GREB1L: variants seen among roughly 807,000 people sequenced by gnomAD.
The protein encoded by GREB1L is GREB1 like retinoic acid receptor coactivator.
Under a neutral mutation model 200.8 loss-of-function variants are expected in GREB1L, and 17 were observed. The observed-to-expected ratio is 0.08, with a 90% confidence interval of 0.06 to 0.13. The LOEUF (loss-of-function observed/expected upper bound fraction) is 0.13. Ranked by LOEUF, GREB1L falls within the 10% of genes least tolerant of loss-of-function variation. The pLI is 1.00. For synonymous variants in GREB1L, 789 were observed against 893.0 expected, an observed-to-expected ratio of 0.88 and a Z score of 2.08; for missense variants, 1,657 against 2,367.7, an observed-to-expected ratio of 0.70 and a Z score of 6.23.
intron 2 of GREB1L, among the ~76,000 whole-genome samples, chr18:21,379,870 G>A (rs1465807418): frequency 6.6e-6 from 1 of 152,130 alleles, no homozygotes; most frequent in African/African-American, 2.4e-5. Context: ...GGGAGTCTTA[G>A]GAGCCTGGCC....
At chr18:21,314,794 C>G (rs1268734634) in intron 1 of GREB1L, among the ~76,000 whole-genome samples, 2 of 152,162 alleles carry the variant, frequency 1.3e-5, no homozygotes, top group African/African-American at 4.8e-5. Context: ...CATGGCTGTG[C>G]TCCAAAAATA....
At chr18:21,438,047 G>A (rs1182676801) in intron 7 of GREB1L, among the ~76,000 whole-genome samples, 2 of 152,132 alleles carry the variant, frequency 1.3e-5, no homozygotes, top group Admixed American at 6.5e-5. Flanking sequence ...TTGGGAGGCT[G>A]AGGAGGGTAG....
At chr18:21,462,338 C>G (rs1355288823) in intron 15 of GREB1L, among the ~76,000 whole-genome samples, 1 of 152,222 alleles carries the variant, frequency 6.6e-6, no homozygotes, top group African/African-American at 2.4e-5. Context: ...CATTGCTCAT[C>G]ACTTCTGACA....
At chr18:21,328,727 C>G (rs1488586921) in intron 1 of GREB1L, among the ~76,000 whole-genome samples, 1 of 151,880 alleles carries the variant, frequency 6.6e-6, no homozygotes, top group Non-Finnish European at 1.5e-5. Context: ...AAGATGAACT[C>G]CCAGACATAG....
At chr18:21,315,234 C>G (rs1184477552) in intron 1 of GREB1L, among the ~76,000 whole-genome samples, 1 of 152,112 alleles carries the variant, frequency 6.6e-6, no homozygotes, top group East Asian at 1.9e-4. Context: ...GGACTACAGG[C>G]ACGCACCACC....
intron 1 of GREB1L, among the ~76,000 whole-genome samples, chr18:21,304,175 G>A (rs2038662994): frequency 6.6e-6 from 1 of 152,028 alleles, no homozygotes; most frequent in Non-Finnish European, 1.5e-5. Flanking sequence ...TTGTGAATCA[G>A]TAGAGTACTG....
rs575128231 is a variant in GREB1L, at chr18:21,283,058, T to C, written c.-120+40665T>C. Among the ~76,000 whole-genome samples the C allele has an allele frequency of 1.9e-3, 291 of 152,348 alleles. 1 individual carries two copies. Among genetic ancestry groups the C allele is most frequent in the Admixed American group, 2.1e-3 (32 of 15,304 alleles). On this transcript the variant is annotated intron_variant, in intron 1 of 32. Coordinates refer to ENST00000424526, the MANE Select transcript of GREB1L (RefSeq NM_001142966.3). ...TTTTATGCATTTAGCTTTTTCATCC[T>C]TTTTTGATTTTTTACTTAGAATAAA... is the stretch of plus-strand genomic sequence containing the variant.
chr18:21,321,757 G>A (rs1404086190), intron 1 of GREB1L, among the ~76,000 whole-genome samples: 2 of 152,122 alleles, frequency 1.3e-5, no homozygotes, highest in Admixed American at 1.3e-4. Flanking sequence ...TTCTAGAATT[G>A]TTCAAATAAT....
chr18:21,522,016 A>AAAAAAAAAAAAAAAC (rs2037610490), intron 32 of GREB1L, among the ~76,000 whole-genome samples: 1 of 148,248 alleles, frequency 6.7e-6, no homozygotes, highest in Admixed American at 6.7e-5. Flanking sequence ...AAAAAAAAAA[A>AAAAAAAAAAAAAAAC]GGTAAGACAC....
rs2037654912 is a variant in GREB1L at position 21,524,661 on chromosome 18, G to C, written c.*1840G>C. On this transcript the variant is annotated 3_prime_UTR_variant, in exon 33 of 33. Transcript: ENST00000424526. Reference sequence around the variant, plus strand: ...ATTCTGAAACAATTGTACCTGGGGTGGATGGCCTCTCAGGGTTTCTTCTGG... The same window carrying C: ...ATTCTGAAACAATTGTACCTGGGGTCGATGGCCTCTCAGGGTTTCTTCTGG... 6.6e-6 allele frequency: 1 copy of C among 152,082 alleles called. No individual in the cohort carries two copies. The highest frequency in any genetic ancestry group is 2.1e-4 in the South Asian group (1 of 4,824). The allele number at this position is 152,082 out of a possible 1,614,324, so 9.4% of individuals were successfully genotyped here.
intron 1 of GREB1L, among the ~76,000 whole-genome samples, chr18:21,338,411 T>G (rs1445408326): frequency 6.6e-6 from 1 of 152,264 alleles, no homozygotes; most frequent in African/African-American, 2.4e-5. Flanking sequence ...AAAGAGATTT[T>G]CTATTTTGTT....
chr18:21,489,692 A>G (rs1343929801), intron 18 of GREB1L, among the ~76,000 whole-genome samples: 1 of 152,024 alleles, frequency 6.6e-6, no homozygotes, highest in African/African-American at 2.4e-5. Context: ...TGGGGTGGGG[A>G]GATTGAGCAT....
intron 1 of GREB1L, among the ~76,000 whole-genome samples, chr18:21,254,025 A>T (rs2037759149): frequency 7.2e-6 from 1 of 137,966 alleles, no homozygotes; most frequent in Middle Eastern, 4.2e-3. Context: ...TTCTGTGGAG[A>T]TAGGGTGTCA....
intron 21 of GREB1L, among the ~76,000 whole-genome samples, 165 bp from the exon 22 acceptor site, chr18:21,499,564 C>A (rs149004190): frequency 0.032 from 4,948 of 152,324 alleles, 140 homozygotes; most frequent in Middle Eastern, 0.045. Flanking sequence ...GGCAAGGAAG[C>A]AACACGGAGC....
At chr18:21,248,275 G>A (rs2037640566) in intron 1 of GREB1L, among the ~76,000 whole-genome samples, 1 of 152,154 alleles carries the variant, frequency 6.6e-6, no homozygotes, top group Admixed American at 6.5e-5. Context: ...TCCACTGATT[G>A]TTGCCTTTTG....
intron 1 of GREB1L, among the ~76,000 whole-genome samples, chr18:21,293,242 C>T (rs1443095566): frequency 1.3e-5 from 2 of 152,202 alleles, no homozygotes; most frequent in African/African-American, 4.8e-5. Context: ...TGCACCCTCT[C>T]ACATGAGAGG....
intron 1 of GREB1L, among the ~76,000 whole-genome samples, chr18:21,252,471 C>A (rs780431657): frequency 1.3e-5 from 2 of 150,772 alleles, no homozygotes; most frequent in South Asian, 4.2e-4. Context: ...GCAACAAAAT[C>A]GCTTGAACCA....
At chr18:21,464,166 T>C (rs1198313563) in intron 15 of GREB1L, among the ~76,000 whole-genome samples, 1 of 151,962 alleles carries the variant, frequency 6.6e-6, no homozygotes, top group Non-Finnish European at 1.5e-5. Flanking sequence ...AATTAGAAAA[T>C]CCCCACTTTG....
chr18:21,273,365 AT>A (rs975477864), intron 1 of GREB1L, among the ~76,000 whole-genome samples: 1 of 152,132 alleles, frequency 6.6e-6, no homozygotes, highest in African/African-American at 2.4e-5. Flanking sequence ...AAGATCTTAA[AT>A]TTTTTTCATA....
Sources: allele counts gnomAD v4.1 joint callset (sites outside exome capture counted in the v4.1 genomes callset), GRCh38; gene constraint gnomAD v4.1.1; transcripts MANE v1.5; gene names NCBI Gene and HGNC (gene_info 2026-07-23, HGNC 2026-07-21).